OPCML: variants seen among roughly 807,000 people sequenced by gnomAD.
The protein encoded by OPCML is opioid binding protein/cell adhesion molecule like, also known as opioid-binding protein/cell adhesion molecule.
In OPCML, 13 loss-of-function variants were observed where a neutral mutation model predicts 37.8. The observed-to-expected ratio is 0.34, with a 90% CI of 0.22 to 0.55. The LOEUF is 0.55. OPCML is among the 20% of genes least tolerant of loss of function. OPCML has a pLI of 0.91. For synonymous variants in OPCML, 176 were observed against 168.8 expected, an observed-to-expected ratio of 1.04 and a Z score of -0.33; for missense variants, 341 against 435.6, an observed-to-expected ratio of 0.78 and a Z score of 1.93.
At chr11:133,191,483 T>G (rs1261298022) in intron 1 of OPCML, among the ~76,000 whole-genome samples, 1 of 148,536 alleles carries the variant, frequency 6.7e-6, no homozygotes, top group Non-Finnish European at 1.5e-5. Flanking sequence ...TTTCTGTATC[T>G]TTTTCTTTTC....
At chr11:133,285,891 T>C (rs1942282171) in intron 1 of OPCML, among the ~76,000 whole-genome samples, 2 of 152,240 alleles carry the variant, frequency 1.3e-5, no homozygotes, top group Non-Finnish European at 2.9e-5. Flanking sequence ...CGTATGGTCC[T>C]GCCTGGTAGG....
chr11:133,197,104 A>T (rs1440439306), intron 1 of OPCML, among the ~76,000 whole-genome samples: 1 of 152,352 alleles, frequency 6.6e-6, no homozygotes, highest in East Asian at 1.9e-4. Context: ...CCAGTGGAAG[A>T]TAGAATCTAT....
intron 1 of OPCML, among the ~76,000 whole-genome samples, chr11:133,385,331 A>C (rs1945021967): frequency 6.6e-6 from 1 of 152,180 alleles, no homozygotes; most frequent in African/African-American, 2.4e-5. Flanking sequence ...TTCCCGACCC[A>C]CAGAAACTGT....
At chr11:132,984,967 C>G (rs927729319) in intron 1 of OPCML, among the ~76,000 whole-genome samples, 8 of 151,980 alleles carry the variant, frequency 5.3e-5, no homozygotes, top group African/African-American at 1.9e-4. Context: ...GTCCTTTGTT[C>G]CCCCGTAGAA....
At chr11:132,643,643 T>C (rs1940986840) in intron 3 of OPCML, among the ~76,000 whole-genome samples, 1 of 152,280 alleles carries the variant, frequency 6.6e-6, no homozygotes, top group South Asian at 2.1e-4. Flanking sequence ...CAAGTTCTTC[T>C]TCCATCTCTT....
intron 1 of OPCML, among the ~76,000 whole-genome samples, chr11:133,517,251 A>G (rs1948300050): frequency 6.6e-6 from 1 of 152,208 alleles, no homozygotes; most frequent in Non-Finnish European, 1.5e-5. Context: ...TATATATAAG[A>G]AAAAATATGT....
In OPCML at chr11:132,437,562, A is replaced by T. The variant is rs2096017472; in HGVS notation, c.506-203T>A. The T allele has an allele frequency of 1.0e-5, 8 of 777,708 alleles. No homozygotes were observed. In the South Asian group the frequency reaches 3.5e-4, roughly 34 times the overall value. The allele number at this position is 777,708 out of a possible 1,614,324, so 48.2% of individuals were successfully genotyped here. A position where few individuals can be genotyped will look rare whatever the true frequency, so the allele number is the denominator to read the frequency against. On this transcript the variant is annotated intron_variant, in intron 4 of 7. Coordinates refer to ENST00000524381, the MANE Select transcript of OPCML (RefSeq NM_001012393.5). ...AAATTCTGTGCTTGAGTCTTGCATC[A>T]ATGTATTTTCAGTCAAGTCACTTAA...
intron 4 of OPCML, among the ~76,000 whole-genome samples, chr11:132,486,650 C>A (rs2096200714): frequency 1.3e-5 from 2 of 151,576 alleles, no homozygotes; most frequent in South Asian, 4.2e-4. Flanking sequence ...TTTTAATTTT[C>A]CTTTCTTTCT....
intron 1 of OPCML, among the ~76,000 whole-genome samples, chr11:133,050,539 C>T (rs771172297): frequency 6.6e-6 from 1 of 152,038 alleles, no homozygotes. Context: ...ATGTAAAAAT[C>T]AATAAGGAAT....
chr11:132,833,414 A>G (rs1361001161), intron 2 of OPCML, among the ~76,000 whole-genome samples: 7 of 152,214 alleles, frequency 4.6e-5, no homozygotes, highest in Non-Finnish European at 7.3e-5. Context: ...AATAACACGC[A>G]TGGAGCTGTC....
chr11:132,892,534 C>T (rs1343515228), intron 2 of OPCML, among the ~76,000 whole-genome samples: 3 of 152,032 alleles, frequency 2.0e-5, no homozygotes, highest in Non-Finnish European at 4.4e-5. Context: ...TTTGGGAGGC[C>T]GAGGCGGGTG....
intron 1 of OPCML, among the ~76,000 whole-genome samples, chr11:133,245,576 C>T (rs556759101): frequency 5.3e-5 from 8 of 152,126 alleles, no homozygotes; most frequent in Admixed American, 3.9e-4. Context: ...TCCTGAGACT[C>T]GTGTGTCAAA....
intron 1 of OPCML, among the ~76,000 whole-genome samples, chr11:133,186,375 C>T (rs1036124989): frequency 1.1e-4 from 17 of 152,166 alleles, no homozygotes; most frequent in African/African-American, 3.9e-4. Context: ...ATAAATATCA[C>T]TTCTGTGACC....
intron 3 of OPCML, among the ~76,000 whole-genome samples, chr11:132,619,851 CA>C (rs34927802): frequency 2.7e-3 from 306 of 112,860 alleles, no homozygotes; most frequent in Middle Eastern, 0.015. Context: ...GACTCCATGT[CA>C]AAAAAAAAAA....
intron 1 of OPCML, among the ~76,000 whole-genome samples, chr11:133,524,590 G>T (rs1948453478): frequency 6.6e-6 from 1 of 152,198 alleles, no homozygotes; most frequent in Non-Finnish European, 1.5e-5. Context: ...GCCCACATTA[G>T]GGCCCACATC....
intron 4 of OPCML, among the ~76,000 whole-genome samples, chr11:132,517,332 C>A (rs994144141): frequency 6.6e-6 from 1 of 152,152 alleles, no homozygotes; most frequent in African/African-American, 2.4e-5. Flanking sequence ...GTGGTAGGTG[C>A]ACAGAGCTGG....
At chr11:133,140,958 A>C (rs1214126154) in intron 1 of OPCML, among the ~76,000 whole-genome samples, 113 of 2,056 alleles carry the variant, frequency 0.055, 11 homozygotes, top group African/African-American at 0.081. Context: ...ACGAAGAAGA[A>C]GAAGAAGAAG....
Position 133,481,478 on chromosome 11 carries a change from A to AATAAATAAATGT in OPCML, c.61+50785_61+50786insACATTTATTTAT, listed in dbSNP as rs1180994626. 3.2e-3 allele frequency among the ~76,000 whole-genome samples: 488 copies of AATAAATAAATGT among 151,920 alleles called. 3 individuals are homozygous for AATAAATAAATGT. Among genetic ancestry groups the AATAAATAAATGT allele is most frequent in the African/African-American group, 0.011 (462 of 41,286 alleles). ...AAATAAATAAATAAATAAATAAATA[A>AATAAATAAATGT]ATGTATGTATGTAACTGTGGCTACA... On this transcript the variant is annotated intron_variant, in intron 1 of 7. Coordinates refer to ENST00000524381, the MANE Select transcript of OPCML (RefSeq NM_001012393.5).
chr11:133,500,288 C>T (rs933061616), intron 1 of OPCML, among the ~76,000 whole-genome samples: 5 of 152,190 alleles, frequency 3.3e-5, no homozygotes, highest in African/African-American at 4.8e-5. Context: ...AACCAGGAGC[C>T]GGACCTACCT....
Sources: allele counts gnomAD v4.1 joint callset (sites outside exome capture counted in the v4.1 genomes callset), GRCh38; gene constraint gnomAD v4.1.1; transcripts MANE v1.5; gene names NCBI Gene and HGNC (gene_info 2026-07-23, HGNC 2026-07-21).